The following PI4KA variants were observed in gnomAD, a reference collection of about 807,000 sequenced individuals.
PI4KA encodes the protein PI4-kinase alpha.
Under a neutral mutation model 271.4 loss-of-function variants are expected in PI4KA, and 122 were observed. The ratio of observed to expected loss-of-function variants is 0.45; its 90% CI spans 0.39 to 0.52. PI4KA has a LOEUF of 0.52. Among genes scored for constraint, PI4KA ranks in the 20% least tolerant of loss-of-function variants. The probability of loss-of-function intolerance (pLI) is 0.00; values close to 1 mark genes in which losing one functional copy is unlikely to be tolerated. For synonymous variants in PI4KA, 1,041 were observed against 1,078.8 expected (o/e 0.96, Z 0.69); for missense variants, 1,969 against 2,769.1 (o/e 0.71, Z 6.48).
At chr22:20,835,345 T>C (rs919420767) in intron 2 of PI4KA, among the ~76,000 whole-genome samples, 8 of 152,224 alleles carry the variant, frequency 5.3e-5, no homozygotes, top group African/African-American at 1.9e-4. Context: ...GGATTAGATG[T>C]GCTCCAGAGA....
chr22:20,815,323 G>A (rs1246122652), intron 7 of PI4KA, among the ~76,000 whole-genome samples: 1 of 143,118 alleles, frequency 7.0e-6, no homozygotes, highest in Non-Finnish European at 1.5e-5. Flanking sequence ...TGAGGTTGCA[G>A]TGAGCCAAGA....
intron 36 of PI4KA, among the ~76,000 whole-genome samples, chr22:20,731,026 A>G (rs899686410): frequency 2.0e-5 from 3 of 152,048 alleles, no homozygotes; most frequent in African/African-American, 7.2e-5. Context: ...AACAACAATA[A>G]AAATTAGCCA....
At chr22:20,836,457 C>T (rs910323074) in intron 2 of PI4KA, among the ~76,000 whole-genome samples, 5 of 152,186 alleles carry the variant, frequency 3.3e-5, no homozygotes, top group African/African-American at 1.2e-4. Context: ...GAACAAAACT[C>T]CATAAGGCCT....
At chr22:20,774,493 T>C (rs1404664536) in intron 19 of PI4KA, among the ~76,000 whole-genome samples, 4 of 152,234 alleles carry the variant, frequency 2.6e-5, no homozygotes, top group Non-Finnish European at 5.9e-5. Context: ...CCGGGTGCAG[T>C]GGCTCACGCC....
At chr22:20,820,663 A>C in intron 4 of PI4KA, 52 bp from the exon 5 acceptor site, 1 of 1,275,490 alleles carries the variant, frequency 7.8e-7, no homozygotes, top group African/African-American at 1.5e-5. Flanking sequence ...AATTAGGTAA[A>C]TATCACGAAA....
intron 1 of PI4KA, among the ~76,000 whole-genome samples, chr22:20,848,923 T>C (rs771039685): frequency 6.6e-6 from 1 of 152,112 alleles, no homozygotes. Context: ...AGAAAATATT[T>C]GCAAATCATA....
rs1020690745 is a variant in PI4KA at position 20,779,105 on chromosome 22, G to A, written c.2329-13412C>T. 2.4e-5 allele frequency: 32 copies of A among 1,314,152 alleles called. No individual in the cohort carries two copies. The Admixed American group carries it at 4.5e-4, about 19-fold the overall frequency. 81.4% of individuals were successfully genotyped at this position (1,314,152 alleles called of 1,614,324 possible). A position where few individuals can be genotyped will look rare whatever the true frequency, so the allele number is the denominator to read the frequency against. On this transcript the variant is annotated intron_variant, in intron 19 of 54. Coordinates refer to ENST00000255882, the MANE Select transcript of PI4KA (RefSeq NM_058004.4). ...CCACAGATCCTTCATTGAGGTTTAT[G>A]AGTCCCACATCAAAGGTTGGGTGTC...
chr22:20,838,133 A>G (rs1039472290), intron 2 of PI4KA, among the ~76,000 whole-genome samples: 1 of 152,076 alleles, frequency 6.6e-6, no homozygotes, highest in African/African-American at 2.4e-5. Flanking sequence ...AAAAAAAAAA[A>G]ACAAGATACA....
Position 20,804,396 on chromosome 22 carries a change from T to C in PI4KA, c.1365A>G (p.Ala455=). The C allele has an allele frequency of 6.2e-7, 1 of 1,612,116 alleles. No homozygotes were observed. Among genetic ancestry groups the C allele is most frequent in the Non-Finnish European group, 8.5e-7 (1 of 1,178,172 alleles). The change falls in exon 12 of 55, where the codon GCA becomes GCG. Residue 455 remains alanine (A), a synonymous_variant. Coordinates refer to ENST00000255882, the MANE Select transcript of PI4KA (RefSeq NM_058004.4). ...CAGATAGCTTGATGCAAAGGTTTTC[T>C]GCACCTTAATTCAAAACCAGAAGAG... The part of the protein sequence containing the change: ...MVWAVKDEQG[A]ENLCIKLSEK...
Position 20,800,790 on chromosome 22 carries a change from C to T in PI4KA, c.1725-1024G>A, listed in dbSNP as rs1399968051. 7.4e-5 allele frequency among the ~76,000 whole-genome samples: 11 copies of T among 149,192 alleles called. No homozygotes were observed. In the Middle Eastern group the frequency reaches 0.014, roughly 187 times the overall value. ...TCCAGAGGCTGAGGCAGGAGAATGGCGTGAACCCAGGAGGCGGAGCTTGCA... is the reference window on the plus strand; with the variant it reads ...TCCAGAGGCTGAGGCAGGAGAATGGTGTGAACCCAGGAGGCGGAGCTTGCA... On this transcript the variant is annotated intron_variant, in intron 14 of 54. Transcript: ENST00000255882.
chr22:20,813,723 G>C (rs1021177937), intron 7 of PI4KA, among the ~76,000 whole-genome samples: 2 of 152,198 alleles, frequency 1.3e-5, no homozygotes, highest in African/African-American at 2.4e-5. Flanking sequence ...ACTCAGATAT[G>C]ATGGTCCTAA....
chr22:20,748,844 G>A lies in PI4KA; in HGVS notation c.3243+1061C>T, dbSNP rs553517195. Among the ~76,000 whole-genome samples the A allele has an allele frequency of 2.0e-5, 3 of 152,166 alleles. No homozygotes were observed. The South Asian group carries it at 6.2e-4, about 31-fold the overall frequency. On this transcript the variant is annotated intron_variant, in intron 28 of 54. Transcript: ENST00000255882. ...ACTCTGGTGGGTGGAGGAGAGGGCA[G>A]ATTCGGGGAAGGCTGAGGCTGGGCA...
intron 1 of PI4KA, among the ~76,000 whole-genome samples, chr22:20,846,104 A>AG (rs1225827343): frequency 6.6e-6 from 1 of 151,844 alleles, no homozygotes; most frequent in East Asian, 1.9e-4. Flanking sequence ...CTAAAAAAAA[A>AG]TACAAAAAAA....
At chr22:20,820,830 G>C (rs938340810) in intron 4 of PI4KA, among the ~76,000 whole-genome samples, 4 of 152,184 alleles carry the variant, frequency 2.6e-5, no homozygotes, top group Non-Finnish European at 5.9e-5. Context: ...CCAATACTGG[G>C]CCAATGTTGT....
intron 19 of PI4KA, among the ~76,000 whole-genome samples, chr22:20,788,057 C>T (rs1485959012): frequency 6.6e-6 from 1 of 152,236 alleles, no homozygotes; most frequent in Non-Finnish European, 1.5e-5. Flanking sequence ...CTGGATCCTT[C>T]AATCCCTGGG....
chr22:20,826,154 C>G (rs1762123317), intron 3 of PI4KA, among the ~76,000 whole-genome samples: 1 of 152,030 alleles, frequency 6.6e-6, no homozygotes, highest in African/African-American at 2.4e-5. Context: ...ACCAGCCTAG[C>G]CAACACGGCA....
At chr22:20,750,688 G>C (rs1477642512) in intron 27 of PI4KA, among the ~76,000 whole-genome samples, 4 of 152,200 alleles carry the variant, frequency 2.6e-5, no homozygotes, top group African/African-American at 9.7e-5. Flanking sequence ...CCACTCTGTG[G>C]GAAACTCCCC....
chr22:20,729,599 G>C (rs1601349895), intron 38 of PI4KA, 33 bp downstream of exon 38: 1 of 1,554,218 alleles, frequency 6.4e-7, no homozygotes, highest in African/African-American at 1.4e-5. Flanking sequence ...GCAGGTGGCG[G>C]GCAGCAGGCA....
In PI4KA at chr22:20,802,073, T is replaced by C. The variant is rs774681218; in HGVS notation, c.1624A>G (p.Asn542Asp). The C allele has an allele frequency of 1.2e-6, 2 of 1,614,048 alleles. No homozygotes were observed. Among genetic ancestry groups the C allele is most frequent in the Non-Finnish European group, 1.7e-6 (2 of 1,179,952 alleles). The change falls in exon 14 of 55, where the codon AAT (asparagine) becomes GAT (aspartate). Residue 542 changes from asparagine to aspartate, a missense_variant. Physicochemically the swap from Asn to Asp is conservative, Grantham distance 23. Transcript: ENST00000255882. ...AGNDIKISVTNEHSESTLNVM... is the reference protein window; with the variant it reads ...AGNDIKISVTDEHSESTLNVM... The stretch of plus-strand genomic sequence containing the variant: ...TTCAGGGTTGACTCGGAATGCTCAT[T>C]GGTCACACTGATTTTTATATCATTG...
Sources: allele counts gnomAD v4.1 joint callset (sites outside exome capture counted in the v4.1 genomes callset), GRCh38; gene constraint gnomAD v4.1.1; transcripts MANE v1.5; gene names NCBI Gene and HGNC (gene_info 2026-07-23, HGNC 2026-07-21).